The following RBL2 variants were observed in gnomAD, a reference collection of about 807,000 sequenced individuals.
The protein encoded by RBL2 is retinoblastoma-like protein 2.
A neutral mutation model predicts 126.0 loss-of-function variants in RBL2; 56 were observed. That is an observed-to-expected ratio of 0.44 (90% CI 0.36 to 0.56). The LOEUF is 0.56. Among genes scored for constraint, RBL2 ranks in the 20% least tolerant of loss-of-function variants. The pLI, the probability that RBL2 is intolerant of heterozygous loss-of-function variation, is 0.00. For missense variants in RBL2, 1,229 were observed against 1,398.2 expected, an observed-to-expected ratio of 0.88 and a Z score of 1.93; for synonymous variants, 454 against 478.5, an observed-to-expected ratio of 0.95 and a Z score of 0.67.
chr16:53,491,020 T>TA lies in RBL2; in HGVS notation c.*723dup, dbSNP rs571771667. 38 of 152,778 alleles carry TA rather than the reference T, an allele frequency of 2.5e-4. No individual in the cohort carries two copies. In the East Asian group the frequency reaches 6.9e-3, roughly 28 times the overall value. The allele number at this position is 152,778 out of a possible 1,614,324, so 9.5% of individuals were successfully genotyped here. On this transcript the variant is annotated 3_prime_UTR_variant, in exon 22 of 22. Coordinates refer to ENST00000262133, the MANE Select transcript of RBL2 (RefSeq NM_005611.4). ...GCACTTTCTACAATGTGAACTTTAT[T>TA]AAATACAAAACTTCCAGGCTAAACA...
At chr16:53,480,456 T>C in intron 19 of RBL2, 111 bp from the exon 20 acceptor site, 1 of 868,594 alleles carries the variant, frequency 1.2e-6, no homozygotes, top group Non-Finnish European at 1.8e-6. Flanking sequence ...GCCTATTCAC[T>C]GTTATTAGCA....
rs544705125 is a variant in RBL2 at position 53,464,102 on chromosome 16, G to A, written c.1561-124G>A. The A allele has an allele frequency of 7.4e-6, 5 of 672,698 alleles. No homozygotes were observed. In the Admixed American group the frequency reaches 2.0e-4, roughly 26 times the overall value. 41.7% of individuals were successfully genotyped at this position (672,698 alleles called of 1,614,324 possible). On this transcript the variant is annotated intron_variant, in intron 11 of 21. Coordinates refer to ENST00000262133, the MANE Select transcript of RBL2 (RefSeq NM_005611.4). The stretch of plus-strand genomic sequence containing the variant: ...TAAGAAAGGTTTTGTAAGAAAATAA[G>A]GACACACTTTGCACTCACTCAGAAA...
chr16:53,467,271 A>T (rs2058281260), intron 14 of RBL2, 102 bp downstream of exon 14: 1 of 917,436 alleles, frequency 1.1e-6, no homozygotes, highest in Non-Finnish European at 1.7e-6. Flanking sequence ...CATAGAAGAA[A>T]ATATTCTATG....
Position 53,447,088 on chromosome 16 carries a change from C to T in RBL2, c.619C>T (p.Leu207Phe). The T allele has an allele frequency of 6.4e-7, 1 of 1,573,162 alleles. No homozygotes were observed. The highest frequency in any genetic ancestry group is 8.7e-7 in the Non-Finnish European group (1 of 1,151,452). ...TGAAATTTTCCATTTTTGTTGGGTG[C>T]TTTTTATATATGCAAAAGGTAAGAA... is the stretch of plus-strand genomic sequence containing the variant. ...VSEIFHFCWV[L>F]FIYAKGNFPM... Residue 207 changes from leucine to phenylalanine, a missense_variant, in exon 4 of 22, where the codon CTT becomes TTT. By Grantham distance (22) the Leu-to-Phe change is conservative. Around this residue, in one of 2 missense-constraint regions of RBL2, gnomAD observed 1,070 missense variants for 1,274.3 expected, o/e 0.84. Transcript: ENST00000262133.
chr16:53,438,839 A>G (rs940424975), intron 1 of RBL2, among the ~76,000 whole-genome samples, 177 bp from the exon 2 acceptor site: 16 of 105,398 alleles, frequency 1.5e-4, no homozygotes, highest in Admixed American at 5.6e-4. Flanking sequence ...GCAAGATTCC[A>G]TCTCAAAAAA....
At position 53,442,702 on chromosome 16, in the gene RBL2, C is replaced by G; in HGVS notation, c.416C>G (p.Ala139Gly). ...FNKMKKWEDM[A>G]NLPPHFRERT... is the part of the protein sequence containing the mutation. Reference sequence around the variant, plus strand: ...AAGATGAAGAAGTGGGAAGACATGGCAAATCTACCCCCACATTTCAGAGAA... The same window carrying G: ...AAGATGAAGAAGTGGGAAGACATGGGAAATCTACCCCCACATTTCAGAGAA... Residue 139 changes from alanine (A) to glycine (G), a missense_variant, in exon 3 of 22, where the codon GCA (alanine) becomes GGA (glycine). This residue lies in a region of RBL2 where 1,070 missense variants were observed against 1,274.3 expected (regional missense o/e 0.84). Transcript: ENST00000262133. 1 of 1,613,734 alleles carries G rather than the reference C, an allele frequency of 6.2e-7. No individual in the cohort carries two copies.
chr16:53,479,917 GAAAA>G lies in RBL2; in HGVS notation c.2809_2812del (p.Lys937GlufsTer19). On this transcript the variant is annotated frameshift_variant, in exon 19 of 22. Coordinates refer to ENST00000262133, the MANE Select transcript of RBL2 (RefSeq NM_005611.4). LOFTEE classifies it high-confidence loss of function. ...AGAAGTGTTTTGATAAAAGGGAAAA[GAAAA>G]AGAAGAAATTCTGGCAGCAGTGATA... is the stretch of plus-strand genomic sequence containing the variant. The G allele has an allele frequency of 6.2e-7, 1 of 1,610,056 alleles. No homozygotes were observed. Among genetic ancestry groups the G allele is most frequent in the Non-Finnish European group, 8.5e-7 (1 of 1,177,298 alleles).
intron 14 of RBL2, 22 bp downstream of exon 14, chr16:53,467,191 A>G: frequency 6.4e-7 from 1 of 1,566,036 alleles, no homozygotes; most frequent in Non-Finnish European, 8.8e-7. Flanking sequence ...ATACTAGGAG[A>G]ATATTTTGGG....
chr16:53,480,564 C>T lies in RBL2; in HGVS notation c.2882-3C>T, dbSNP rs373985106. On this transcript the variant is annotated splice_polypyrimidine_tract_variant and splice_region_variant and intron_variant, in intron 19 of 21. Transcript: ENST00000262133. ...CTGACAGCCTTTGTTCTCCTGGCTG[C>T]AGCCAGTAGAGACTCCAGTCCAGTT... 3 of 1,608,584 alleles carry T rather than the reference C, an allele frequency of 1.9e-6. No individual in the cohort carries two copies. In the African/African-American group the frequency reaches 4.0e-5, roughly 22 times the overall value.
At chr16:53,478,439 G>T (rs546496971) in intron 17 of RBL2, among the ~76,000 whole-genome samples, 24 of 151,246 alleles carry the variant, frequency 1.6e-4, no homozygotes, top group Admixed American at 4.6e-4. Flanking sequence ...CCCATTACAC[G>T]TATGTTGATT....
At chr16:53,484,947 A>G (rs1434313056) in intron 21 of RBL2, among the ~76,000 whole-genome samples, 1 of 152,182 alleles carries the variant, frequency 6.6e-6, no homozygotes, top group East Asian at 1.9e-4. Flanking sequence ...AGAGCAAAAA[A>G]TATTATCAGG....
Position 53,470,004 on chromosome 16 carries a change from C to A in RBL2, c.2064C>A (p.Ser688Arg). The A allele has an allele frequency of 1.9e-6, 3 of 1,614,156 alleles. No individual in the cohort carries two copies. Among genetic ancestry groups the A allele is most frequent in the Non-Finnish European group, 2.5e-6 (3 of 1,179,984 alleles). Residue 688 changes from serine (S) to arginine (R), a missense_variant, in exon 15 of 22, where the codon AGC (serine) becomes AGA (arginine). By Grantham distance (110) the Ser-to-Arg change is moderately radical. Around this residue, in one of 2 missense-constraint regions of RBL2, gnomAD observed 1,070 missense variants for 1,274.3 expected, o/e 0.84. Coordinates refer to ENST00000262133, the MANE Select transcript of RBL2 (RefSeq NM_005611.4). Reference protein sequence around the residue: ...TRRRLFVENDSPSDGGTPGRM... With the variant: ...TRRRLFVENDRPSDGGTPGRM... ...GGCGGCTATTTGTTGAGAATGATAG[C>A]CCCTCTGATGGAGGGACGCCTGGGC...
chr16:53,440,252 A>G lies in RBL2; in HGVS notation c.371+1106A>G, dbSNP rs766806989. 3.3e-5 allele frequency among the ~76,000 whole-genome samples: 5 copies of G among 152,232 alleles called. No homozygotes were observed. In the South Asian group the frequency reaches 6.2e-4, roughly 19 times the overall value. On this transcript the variant is annotated intron_variant, in intron 2 of 21. Coordinates refer to ENST00000262133, the MANE Select transcript of RBL2 (RefSeq NM_005611.4). ...CAGAGGTTGCAGTGAGCACTATTGC[A>G]CTCCAGCCTGGGTGACAAGAGCGAG... is the stretch of plus-strand genomic sequence containing the variant.
intron 2 of RBL2, among the ~76,000 whole-genome samples, chr16:53,440,464 C>T (rs2058004284): frequency 6.6e-6 from 1 of 152,034 alleles, no homozygotes; most frequent in Non-Finnish European, 1.5e-5. Flanking sequence ...AAGAACATGA[C>T]TTCACAAAGG....
In RBL2 at chr16:53,470,859, T is replaced by C. The variant is rs2058316704; in HGVS notation, c.2640T>C (p.Pro880=). 1 of 1,614,164 alleles carries C rather than the reference T, an allele frequency of 6.2e-7. No homozygotes were observed. The highest frequency in any genetic ancestry group is 8.5e-7 in the Non-Finnish European group (1 of 1,179,970). The change falls in exon 17 of 22, where the codon CCT becomes CCC. Residue 880 remains proline, a synonymous_variant. Coordinates refer to ENST00000262133, the MANE Select transcript of RBL2 (RefSeq NM_005611.4). The part of the protein sequence containing the change: ...TCFEFSIIQC[P]ELMMDRHLDQ... ...TTGAATTCTCCATAATTCAGTGTCC[T>C]GAACTTATGATGGACAGACATCTGG...
rs112708377 is a variant in RBL2, at chr16:53,442,664, C to A, written c.378C>A (p.Ile126=). Residue 126 remains isoleucine, a synonymous_variant, in exon 3 of 22, where the codon ATC becomes ATA. Coordinates refer to ENST00000262133, the MANE Select transcript of RBL2 (RefSeq NM_005611.4). The part of the protein sequence containing the change: ...RILKCSEQSL[I]EFFNKMKKWE... ...TGTTTGTCTTTAATACCAGCTTAATCGAATTTTTTAATAAGATGAAGAAGT... is the reference window on the plus strand; with the variant it reads ...TGTTTGTCTTTAATACCAGCTTAATAGAATTTTTTAATAAGATGAAGAAGT... 8 of 1,610,572 alleles carry A rather than the reference C, an allele frequency of 5.0e-6. No individual in the cohort carries two copies. The African/African-American group carries it at 6.7e-5, about 13-fold the overall frequency.
chr16:53,473,005 C>T (rs891394065), intron 17 of RBL2, among the ~76,000 whole-genome samples: 6 of 152,044 alleles, frequency 3.9e-5, no homozygotes, highest in East Asian at 1.9e-4. Context: ...ATCAATTGAC[C>T]GTTGACAACA....
intron 7 of RBL2, 174 bp from the exon 8 acceptor site, chr16:53,454,482 C>T (rs1234994596): frequency 8.6e-6 from 5 of 581,206 alleles, no homozygotes; most frequent in East Asian, 3.1e-5. Flanking sequence ...GGATTACAGA[C>T]GGGAGCTACT....
chr16:53,486,895 G>A (rs1223622667), intron 21 of RBL2, among the ~76,000 whole-genome samples: 1 of 152,138 alleles, frequency 6.6e-6, no homozygotes, highest in African/African-American at 2.4e-5. Context: ...AAAATCAAAT[G>A]TATTTCTATA....
Sources: allele counts gnomAD v4.1 joint callset (sites outside exome capture counted in the v4.1 genomes callset), GRCh38; gene constraint gnomAD v4.1.1; regional missense constraint gnomAD v4.1.1; transcripts MANE v1.5; gene names NCBI Gene and HGNC (gene_info 2026-07-23, HGNC 2026-07-21).